SUN3: variants seen among roughly 807,000 people sequenced by gnomAD.
SUN3 encodes the protein SUN domain-containing protein 3.
In SUN3, 36 loss-of-function variants were observed where a neutral mutation model predicts 48.2. The ratio of observed to expected loss-of-function variants is 0.75; its 90% CI spans 0.57 to 0.99. The LOEUF (loss-of-function observed/expected upper bound fraction) is 0.99. Ranked by LOEUF, SUN3 falls within the 50% of genes least tolerant of loss-of-function variation. The pLI is 0.00. For synonymous variants in SUN3, 148 were observed against 147.9 expected (o/e 1.00, Z 0.00); for missense variants, 419 against 433.1 (o/e 0.97, Z 0.29).
At chr7:48,018,002 G>T (rs989605814) in intron 2 of SUN3, among the ~76,000 whole-genome samples, 1 of 152,184 alleles carries the variant, frequency 6.6e-6, no homozygotes, top group Admixed American at 6.5e-5. Context: ...TGGAAAAAGG[G>T]CTCAGAAGGA....
At chr7:48,015,578 G>C (rs1381785654) in intron 3 of SUN3, among the ~76,000 whole-genome samples, 1 of 152,170 alleles carries the variant, frequency 6.6e-6, no homozygotes, top group Non-Finnish European at 1.5e-5. Flanking sequence ...TATGAAGTAG[G>C]AATCTGATCA....
chr7:48,010,398 C>A (rs148905705), intron 3 of SUN3, among the ~76,000 whole-genome samples: 170 of 152,248 alleles, frequency 1.1e-3, no homozygotes, highest in Middle Eastern at 3.4e-3. Context: ...CAATGCCCAT[C>A]GAGGGATGGC....
intron 8 of SUN3, among the ~76,000 whole-genome samples, chr7:47,989,313 C>T (rs756568812): frequency 1.3e-5 from 2 of 152,142 alleles, no homozygotes; most frequent in African/African-American, 4.8e-5. Flanking sequence ...CTGATGTTTA[C>T]CAAAATGAGA....
In SUN3 at chr7:48,007,149, T is replaced by C; in HGVS notation, c.492+16A>G. On this transcript the variant is annotated intron_variant, in intron 5 of 9. Coordinates refer to ENST00000297325, the MANE Select transcript of SUN3 (RefSeq NM_001030019.2). ...ACCACCCCACCCTGCCCAACCCGCC[T>C]AGCCTCATCCAGGACCTCTGTGTGG... 2 of 1,258,626 alleles carry C rather than the reference T, an allele frequency of 1.6e-6. No individual in the cohort carries two copies. The highest frequency in any genetic ancestry group is 1.2e-5 in the South Asian group (1 of 84,404). The allele number at this position is 1,258,626 out of a possible 1,614,324, so 78.0% of individuals were successfully genotyped here. A position where few individuals can be genotyped will look rare whatever the true frequency, so the allele number is the denominator to read the frequency against.
chr7:48,001,902 A>G (rs1789388512), intron 6 of SUN3, among the ~76,000 whole-genome samples: 1 of 152,070 alleles, frequency 6.6e-6, no homozygotes, highest in Non-Finnish European at 1.5e-5. Flanking sequence ...TCTTTATAAC[A>G]CAACAATTTA....
chr7:48,033,621 T>C (rs1790280133), upstream of SUN3, among the ~76,000 whole-genome samples: 1 of 152,164 alleles, frequency 6.6e-6, no homozygotes. Context: ...AACACTTCAT[T>C]ATCACTGAAC....
rs1789143176 is a variant in SUN3, at chr7:47,994,320, C to T, written c.856G>A (p.Val286Ile). The change falls in exon 8 of 10, where the codon GTC becomes ATC. Residue 286 changes from valine to isoleucine, a missense_variant. Transcript: ENST00000297325. ...NISSAPKEFS[V>I]YGITKKCEGE... Reference sequence around the variant, plus strand: ...AAATTTAGATAGCTTCTTACATAGACAGAAAATTCCTTGGGTGCACTGGAG... The same window carrying T: ...AAATTTAGATAGCTTCTTACATAGATAGAAAATTCCTTGGGTGCACTGGAG... The T allele has an allele frequency of 2.5e-6, 4 of 1,612,930 alleles. No homozygotes were observed. The Admixed American group carries it at 6.7e-5, about 27-fold the overall frequency.
chr7:48,007,179 G>C lies in SUN3; in HGVS notation c.478C>G (p.Pro160Ala), dbSNP rs1248209693. Reference sequence around the variant, plus strand: ...TCATCCAGGACCTCTGTGTGGTCCGGGTCCTCCACAGGGTCTCCATGGGTG... The same window carrying C: ...TCATCCAGGACCTCTGTGTGGTCCGCGTCCTCCACAGGGTCTCCATGGGTG... ...WNTHGDPVED[P>A]DHTEEVSNLV... is the part of the protein sequence containing the mutation. Residue 160 changes from proline (P) to alanine (A), a missense_variant, in exon 5 of 10, where the codon CCG becomes GCG. Physicochemically the swap from Pro to Ala is conservative, Grantham distance 27. Transcript: ENST00000297325. 6.2e-7 allele frequency: 1 copy of C among 1,613,736 alleles called. No individual in the cohort carries two copies. Among genetic ancestry groups the C allele is most frequent in the Non-Finnish European group, 8.5e-7 (1 of 1,179,918 alleles).
chr7:48,000,433 CG>C (rs1789331198), intron 6 of SUN3, among the ~76,000 whole-genome samples: 1 of 152,234 alleles, frequency 6.6e-6, no homozygotes, highest in African/African-American at 2.4e-5. Flanking sequence ...GCCACTGTGC[CG>C]GGCCACCTCA....
In SUN3 at chr7:48,025,916, T is replaced by A. The variant is rs1361823652; in HGVS notation, c.145A>T (p.Ile49Phe). The change falls in exon 2 of 10, where the codon ATT becomes TTT. Residue 49 changes from isoleucine (I) to phenylalanine (F), a missense_variant. Transcript: ENST00000297325. ...GTCAGTGTAAGCATTGTACTTAGAA[T>A]AATCTTCCATGATCGAGTTACCCTA... The part of the protein sequence containing the change: ...ANGVTRSWKI[I>F]LSTMLTLTFL... 1 of 1,602,242 alleles carries A rather than the reference T, an allele frequency of 6.2e-7. No homozygotes were observed. Among genetic ancestry groups the A allele is most frequent in the Non-Finnish European group, 8.5e-7 (1 of 1,172,240 alleles).
At chr7:48,030,095 C>A (rs1790235244), upstream of SUN3, among the ~76,000 whole-genome samples, 2 of 152,174 alleles carry the variant, frequency 1.3e-5, no homozygotes, top group Non-Finnish European at 2.9e-5. Flanking sequence ...GCCACTGCCT[C>A]AATTTTCTTA....
chr7:48,028,742 T>C (rs1371941412), intron 1 of SUN3, 75 bp downstream of exon 1: 10 of 1,565,836 alleles, frequency 6.4e-6, no homozygotes, highest in Non-Finnish European at 8.7e-6. Context: ...AGGTAACAGA[T>C]GAACAGACAC....
intron 6 of SUN3, among the ~76,000 whole-genome samples, chr7:48,003,729 A>G (rs1789451331): frequency 6.6e-6 from 1 of 152,150 alleles, no homozygotes; most frequent in Non-Finnish European, 1.5e-5. Flanking sequence ...GGTGTATAGA[A>G]TGCTAGTGAT....
At chr7:47,991,555 A>T (rs181464944) in intron 8 of SUN3, among the ~76,000 whole-genome samples, 96 of 152,282 alleles carry the variant, frequency 6.3e-4, no homozygotes, top group Non-Finnish European at 9.3e-4. Flanking sequence ...TTGAAGGCAT[A>T]AACCTATATA....
chr7:48,012,772 C>T (rs1347548281), intron 3 of SUN3, among the ~76,000 whole-genome samples: 1 of 152,192 alleles, frequency 6.6e-6, no homozygotes, highest in African/African-American at 2.4e-5. Flanking sequence ...GAAACTTAAT[C>T]CCCATTGTGG....
the SUN3 span, chr7:48,035,512 ATGT>A: frequency 5.7e-6 from 4 of 696,912 alleles, no homozygotes; most frequent in South Asian, 3.0e-5. This position sits in a 1 kb window ranked among gnomAD's most constrained non-coding sequence, Gnocchi z 4.0. Context: ...GGCGACGCCG[ATGT>A]TGTGGTTCCG....
chr7:48,031,836 A>ACT (rs1337985602), upstream of SUN3, among the ~76,000 whole-genome samples: 1 of 140,966 alleles, frequency 7.1e-6, no homozygotes, highest in African/African-American at 2.6e-5. Flanking sequence ...ATTTATGCAC[A>ACT]CACACACACA....
rs71006541 is a variant in SUN3, at chr7:48,002,151, CTTTTTTTTT to C, written c.577+3809_577+3817del. Reference sequence around the variant, plus strand: ...CATTGTGGTTTTGATTTGCATTTCTCTTTTTTTTTTTTTTTTTTTTTTTTTTGAGACGGA... The same window carrying C: ...CATTGTGGTTTTGATTTGCATTTCTCTTTTTTTTTTTTTTTTTGAGACGGA... On this transcript the variant is annotated intron_variant, in intron 6 of 9. Coordinates refer to ENST00000297325, the MANE Select transcript of SUN3 (RefSeq NM_001030019.2). Among the ~76,000 whole-genome samples the C allele has an allele frequency of 1.7e-3, 110 of 64,156 alleles. 2 individuals are homozygous for C. In the South Asian group the frequency reaches 0.022, roughly 13 times the overall value. The allele number at this position is 64,156 out of a possible 152,430, so 42.1% of individuals were successfully genotyped here.
chr7:48,020,352 T>C (rs1043816903), intron 2 of SUN3, among the ~76,000 whole-genome samples: 2 of 152,114 alleles, frequency 1.3e-5, no homozygotes, highest in African/African-American at 2.4e-5. Context: ...GATCCACAGC[T>C]GGTATCACAC....
Sources: allele counts gnomAD v4.1 joint callset (sites outside exome capture counted in the v4.1 genomes callset), GRCh38; gene constraint gnomAD v4.1.1; non-coding constraint Gnocchi (gnomAD v3.1); transcripts MANE v1.5; gene names NCBI Gene and HGNC (gene_info 2026-07-23, HGNC 2026-07-21).